The following DYDC1 variants were observed in gnomAD, a reference collection of about 807,000 sequenced individuals.
DYDC1 encodes the protein DPY30 domain containing 1, also known as DPY30 domain-containing protein 1.
In DYDC1, 21 loss-of-function variants were observed where a neutral mutation model predicts 27.9. The ratio of observed to expected loss-of-function variants is 0.75; its 90% CI spans 0.53 to 1.08. DYDC1 has a LOEUF of 1.08. Among genes scored for constraint, DYDC1 ranks in the 50% least tolerant of loss-of-function variants. The pLI is 0.00. For synonymous variants in DYDC1, 67 were observed against 65.8 expected, an observed-to-expected ratio of 1.02 and a Z score of -0.09; for missense variants, 202 against 205.9, an observed-to-expected ratio of 0.98 and a Z score of 0.12.
intron 6 of DYDC1, 28 bp downstream of exon 6, chr10:80,338,439 T>C: frequency 6.2e-7 from 1 of 1,604,728 alleles, no homozygotes. Context: ...CAAAAACGAG[T>C]TTTTTCACAA....
At chr10:80,346,355 A>G (rs1160886233) in intron 3 of DYDC1, among the ~76,000 whole-genome samples, 1 of 151,366 alleles carries the variant, frequency 6.6e-6, no homozygotes, top group Non-Finnish European at 1.5e-5. Context: ...ACCATTTTGC[A>G]TAATGGCTGC....
downstream of DYDC1, chr10:80,336,019 G>A: frequency 1.6e-6 from 1 of 629,624 alleles, no homozygotes; most frequent in Non-Finnish European, 2.8e-6. Context: ...GGCTACTCTT[G>A]AAGCCCATTC....
chr10:80,354,735 G>A (rs190427042), intron 1 of DYDC1, among the ~76,000 whole-genome samples: 3 of 152,214 alleles, frequency 2.0e-5, no homozygotes, highest in Admixed American at 2.0e-4. Context: ...TCTGCCATCT[G>A]AGAATAAAAC....
chr10:80,342,267 A>G lies in DYDC1; in HGVS notation c.342+2T>C. ...ACTGACATTTATAAAACTTCAAATT[A>G]CCTTGCCTAATTGTTCTTGAGCTCT... On this transcript the variant is annotated splice_donor_variant, in intron 4 of 6. Transcript: ENST00000372202. LOFTEE classifies it high-confidence loss of function. 6.2e-7 allele frequency: 1 copy of G among 1,612,804 alleles called. No individual in the cohort carries two copies. The highest frequency in any genetic ancestry group is 8.5e-7 in the Non-Finnish European group (1 of 1,179,586).
chr10:80,340,946 T>C (rs990620247), intron 4 of DYDC1, among the ~76,000 whole-genome samples: 12 of 152,342 alleles, frequency 7.9e-5, no homozygotes, highest in African/African-American at 2.6e-4. Flanking sequence ...AAACTATGTA[T>C]AGGGCTTTTA....
intron 2 of DYDC1, 81 bp from the exon 3 acceptor site, chr10:80,352,083 G>A (rs1843026158): frequency 1.6e-6 from 2 of 1,265,854 alleles, no homozygotes; most frequent in Non-Finnish European, 2.3e-6. Flanking sequence ...GCACTTAATA[G>A]GAACAATTAG....
chr10:80,336,982 T>A (rs947257353), intron 6 of DYDC1: 6 of 276,086 alleles, frequency 2.2e-5, no homozygotes, highest in African/African-American at 1.4e-4. Context: ...TAACTCCTAC[T>A]GCACTTAAGT....
intron 3 of DYDC1, among the ~76,000 whole-genome samples, chr10:80,343,935 G>T (rs1168757232): frequency 6.6e-6 from 1 of 152,186 alleles, no homozygotes; most frequent in East Asian, 1.9e-4. Flanking sequence ...GGCCAACATG[G>T]TGAAACCCTG....
intron 1 of DYDC1, 47 bp from the exon 2 acceptor site, chr10:80,352,657 G>A: frequency 6.4e-7 from 1 of 1,559,610 alleles, no homozygotes; most frequent in Non-Finnish European, 8.7e-7. Context: ...TTTCAATAAA[G>A]TCACTATAAA....
intron 3 of DYDC1, among the ~76,000 whole-genome samples, chr10:80,351,225 C>T (rs1031772850): frequency 6.6e-6 from 1 of 152,072 alleles, no homozygotes; most frequent in Non-Finnish European, 1.5e-5. Context: ...GTGCTTCCAC[C>T]AACACCATTC....
chr10:80,346,468 T>TTTC (rs1842642170), intron 3 of DYDC1, among the ~76,000 whole-genome samples: 1 of 138,112 alleles, frequency 7.2e-6, no homozygotes, highest in East Asian at 2.0e-4. Context: ...TTTTTTTTTT[T>TTTC]TTTCTTTTTT....
At chr10:80,346,226 A>G (rs1369694225) in intron 3 of DYDC1, among the ~76,000 whole-genome samples, 1 of 152,172 alleles carries the variant, frequency 6.6e-6, no homozygotes, top group Non-Finnish European at 1.5e-5. Flanking sequence ...TAATGCTGCA[A>G]TGGACATGGG....
chr10:80,338,189 T>G lies in DYDC1; in HGVS notation c.504+278A>C, dbSNP rs552184601. 14 of 985,376 alleles carry G rather than the reference T, an allele frequency of 1.4e-5. No homozygotes were observed. The South Asian group carries it at 5.6e-4, about 40-fold the overall frequency. 61.0% of individuals were successfully genotyped at this position (985,376 alleles called of 1,614,324 possible). ...TGCCCCCCACACCAAATTTAAAGAT[T>G]ATATATTTCACAAAATGATTTTAAA... is the stretch of plus-strand genomic sequence containing the variant. On this transcript the variant is annotated intron_variant, in intron 6 of 6. Coordinates refer to ENST00000372202, the MANE Select transcript of DYDC1 (RefSeq NM_001269053.2).
At chr10:80,337,339 C>G in intron 6 of DYDC1, 1 of 985,448 alleles carries the variant, frequency 1.0e-6, no homozygotes, top group Non-Finnish European at 1.2e-6. Context: ...CATAGCTGAC[C>G]TTTAATAAAA....
intron 3 of DYDC1, among the ~76,000 whole-genome samples, chr10:80,346,444 CTTTTTTTT>C (rs1032729095): frequency 0.029 from 2,427 of 83,316 alleles, 11 homozygotes; most frequent in Admixed American, 0.039. Flanking sequence ...TCTTCCCTTT[CTTTTTTTT>C]TTTTTTTTTT....
At chr10:80,346,921 A>G (rs1842677879) in intron 3 of DYDC1, among the ~76,000 whole-genome samples, 2 of 149,026 alleles carry the variant, frequency 1.3e-5, no homozygotes, top group South Asian at 4.3e-4. Flanking sequence ...CTAAAAATAC[A>G]AAAAAAAAAT....
At position 80,338,506 on chromosome 10, in the gene DYDC1, CA is replaced by C. The variant is rs754511296; in HGVS notation, c.464del (p.Leu155Ter). The C allele has an allele frequency of 3.1e-6, 5 of 1,613,042 alleles. No individual in the cohort carries two copies. The highest frequency in any genetic ancestry group is 4.2e-6 in the Non-Finnish European group (5 of 1,179,598). On this transcript the variant is annotated frameshift_variant, in exon 6 of 7. Coordinates refer to ENST00000372202, the MANE Select transcript of DYDC1 (RefSeq NM_001269053.2). LOFTEE classifies it high-confidence loss of function. ...GTTCATCAAGTTCTTCCACTCTGCT[CA>C]AGTTAGGTGCTCCATAACGATCGCT... The part of the protein sequence containing the change: ...EISDRYGAPN[L>X]SRVEELDEPM...
intron 4 of DYDC1, among the ~76,000 whole-genome samples, chr10:80,339,484 A>G (rs1400495999): frequency 1.8e-5 from 1 of 56,020 alleles, no homozygotes; most frequent in Non-Finnish European, 2.8e-5. Flanking sequence ...CCTTAGAACA[A>G]GAGATTTTTA....
intron 4 of DYDC1, among the ~76,000 whole-genome samples, chr10:80,339,901 T>G (rs1414902566): frequency 6.6e-6 from 1 of 152,196 alleles, no homozygotes; most frequent in Non-Finnish European, 1.5e-5. Flanking sequence ...CACAAGGCTA[T>G]ATGGGGAACA....
Sources: allele counts gnomAD v4.1 joint callset (sites outside exome capture counted in the v4.1 genomes callset), GRCh38; gene constraint gnomAD v4.1.1; transcripts MANE v1.5; gene names NCBI Gene and HGNC (gene_info 2026-07-23, HGNC 2026-07-21).